Variants in CD247 observed in about 807,000 individuals in gnomAD.
CD247 encodes T-cell surface glycoprotein CD3 zeta chain.
CD247 carries 13 observed loss-of-function variants against 30.0 expected under a neutral mutation model. That is an observed-to-expected ratio of 0.43 (90% confidence interval 0.28 to 0.69). The LOEUF (loss-of-function observed/expected upper bound fraction) is 0.69, where lower values mean the gene tolerates loss of function less well. Among genes scored for constraint, CD247 ranks in the 30% least tolerant of loss-of-function variants. The pLI, the probability that CD247 is intolerant of heterozygous loss-of-function variation, is 0.16. For missense variants in CD247, 193 were observed against 212.6 expected (o/e 0.91, Z 0.57); for synonymous variants, 72 against 80.0 (o/e 0.90, Z 0.53).
chr1:167,446,211 C>T (rs1473059335), intron 1 of CD247, among the ~76,000 whole-genome samples: 2 of 152,180 alleles, frequency 1.3e-5, no homozygotes, highest in East Asian at 1.9e-4. Flanking sequence ...CCACTTTTGA[C>T]ACTTAGTCAC....
chr1:167,473,921 T>C (rs1485933155), intron 1 of CD247, among the ~76,000 whole-genome samples: 1 of 152,186 alleles, frequency 6.6e-6, no homozygotes, highest in Non-Finnish European at 1.5e-5. Flanking sequence ...TTCTACTTGG[T>C]TGCACCTTGC....
At chr1:167,485,946 CTGG>C (rs1654189590) in intron 1 of CD247, among the ~76,000 whole-genome samples, 1 of 152,092 alleles carries the variant, frequency 6.6e-6, no homozygotes, top group Non-Finnish European at 1.5e-5. Flanking sequence ...AAGAAAACGA[CTGG>C]AGGCTGGGGA....
chr1:167,432,131 G>C (rs960380892), intron 7 of CD247, among the ~76,000 whole-genome samples: 1 of 152,208 alleles, frequency 6.6e-6, no homozygotes, highest in Non-Finnish European at 1.5e-5. Flanking sequence ...CTGCTCCAGA[G>C]AATCTGCTGT....
In CD247 at chr1:167,508,623, T is replaced by C. The variant is rs1655249850; in HGVS notation, c.58+9785A>G. ...TATGTAGGTCTGGGCTTTGAAGTGT[T>C]GATAGTTAAGTGGGAGAAAAGACAA... On this transcript the variant is annotated intron_variant, in intron 1 of 7. Transcript: ENST00000362089. Among the ~76,000 whole-genome samples the C allele has an allele frequency of 3.3e-5, 5 of 152,282 alleles. No individual in the cohort carries two copies. The South Asian group carries it at 1.0e-3, about 32-fold the overall frequency.
At chr1:167,505,162 G>T (rs1483425795) in intron 1 of CD247, among the ~76,000 whole-genome samples, 2 of 151,992 alleles carry the variant, frequency 1.3e-5, no homozygotes, top group African/African-American at 4.8e-5. Flanking sequence ...ACAGGGTCTT[G>T]CTCTGTCTCC....
chr1:167,450,178 A>G (rs1652287340), intron 1 of CD247, among the ~76,000 whole-genome samples: 1 of 152,180 alleles, frequency 6.6e-6, no homozygotes, highest in Admixed American at 6.6e-5. Flanking sequence ...AGCTTTTTAC[A>G]GGATTGGAAT....
intron 1 of CD247, among the ~76,000 whole-genome samples, chr1:167,451,847 C>T (rs756954239): frequency 6.6e-6 from 1 of 152,350 alleles, no homozygotes; most frequent in East Asian, 1.9e-4. Context: ...TGGCTCACGC[C>T]TGTAATCCCA....
At chr1:167,478,422 C>T (rs190598599) in intron 1 of CD247, among the ~76,000 whole-genome samples, 1 of 152,324 alleles carries the variant, frequency 6.6e-6, no homozygotes, top group East Asian at 1.9e-4. Context: ...GACTTTAAAG[C>T]TGCTTTCCTA....
chr1:167,448,611 A>G (rs1652200557), intron 1 of CD247: 2 of 822,548 alleles, frequency 2.4e-6, no homozygotes, highest in African/African-American at 3.7e-5. Flanking sequence ...GAACGACTCC[A>G]GCTAATTTAC....
chr1:167,507,876 C>T (rs1655211841), intron 1 of CD247, among the ~76,000 whole-genome samples: 2 of 151,926 alleles, frequency 1.3e-5, no homozygotes. Flanking sequence ...CTCTCTATCT[C>T]TTGGCATATA....
chr1:167,458,938 C>T (rs988737019), intron 1 of CD247, among the ~76,000 whole-genome samples: 2 of 150,696 alleles, frequency 1.3e-5, no homozygotes, highest in African/African-American at 4.9e-5. Context: ...GCCTGGCCAA[C>T]ATGGTGAAAC....
Position 167,433,089 on chromosome 1 carries a change from G to T in CD247, c.394-30C>A, listed in dbSNP as rs371723822. On this transcript the variant is annotated intron_variant, in intron 6 of 7. Coordinates refer to ENST00000362089, the MANE Select transcript of CD247 (RefSeq NM_198053.3). ...TTGTTTGGGAGTGAAATGAGAAAAG[G>T]ATTAGAAAGTCAGGCAGTCAGTAGT... 15 of 1,613,512 alleles carry T rather than the reference G, an allele frequency of 9.3e-6. No individual in the cohort carries two copies. In the Admixed American group the frequency reaches 1.0e-4, roughly 11 times the overall value.
chr1:167,458,235 A>T (rs180837494), intron 1 of CD247, among the ~76,000 whole-genome samples: 56 of 152,368 alleles, frequency 3.7e-4, no homozygotes, highest in Non-Finnish European at 6.3e-4. Context: ...CCACCACAGA[A>T]CATCACATTC....
At chr1:167,502,556 C>T (rs1333797224) in intron 1 of CD247, among the ~76,000 whole-genome samples, 1 of 152,050 alleles carries the variant, frequency 6.6e-6, no homozygotes, top group African/African-American at 2.4e-5. Context: ...TTCCAGAAAC[C>T]GTTGGTAGGT....
rs1202079397 is a variant in CD247 at position 167,493,016 on chromosome 1, C to CTATT, written c.58+25388_58+25391dup. Among the ~76,000 whole-genome samples the CTATT allele has an allele frequency of 2.4e-4, 35 of 144,954 alleles. 1 individual carries two copies. Among genetic ancestry groups the CTATT allele is most frequent in the Admixed American group, 2.3e-3 (34 of 14,500 alleles). On this transcript the variant is annotated intron_variant, in intron 1 of 7. Coordinates refer to ENST00000362089, the MANE Select transcript of CD247 (RefSeq NM_198053.3). ...GCCTTTCTCCACCCCCAATTTTGCC[C>CTATT]TATTTTCCCTAATTTTTCTCCTTTT...
chr1:167,463,159 G>T (rs1254368174), intron 1 of CD247, among the ~76,000 whole-genome samples: 1 of 152,174 alleles, frequency 6.6e-6, no homozygotes, highest in African/African-American at 2.4e-5. Flanking sequence ...GCTCTCGGCT[G>T]GTTAGCATAG....
intron 1 of CD247, among the ~76,000 whole-genome samples, chr1:167,444,218 T>C (rs2102000869): frequency 6.6e-6 from 1 of 152,342 alleles, no homozygotes; most frequent in East Asian, 1.9e-4. Flanking sequence ...CCTGCCCTCA[T>C]GGGGCTTAAG....
Position 167,439,327 on chromosome 1 carries a change from C to G in CD247, c.219+17G>C. On this transcript the variant is annotated intron_variant, in intron 3 of 7. Transcript: ENST00000362089. ...CTGCCCTTCCTTTCCGGAGGGTCTA[C>G]GGCGAGGCTGACTTACGTTATAGAG... The G allele has an allele frequency of 6.2e-7, 1 of 1,612,878 alleles. No individual in the cohort carries two copies.
intron 1 of CD247, among the ~76,000 whole-genome samples, chr1:167,442,613 G>A (rs1239289866): frequency 3.3e-5 from 5 of 152,150 alleles, no homozygotes; most frequent in Admixed American, 6.5e-5. Flanking sequence ...AGCAGTTCTC[G>A]CCCCCTTCCT....
Sources: allele counts gnomAD v4.1 joint callset (sites outside exome capture counted in the v4.1 genomes callset), GRCh38; gene constraint gnomAD v4.1.1; transcripts MANE v1.5; gene names NCBI Gene and HGNC (gene_info 2026-07-23, HGNC 2026-07-21).